TRPC4AP: variants seen among roughly 807,000 people sequenced by gnomAD.
TRPC4AP encodes transient receptor potential cation channel subfamily C member 4 associated protein.
A neutral mutation model predicts 99.0 loss-of-function variants in TRPC4AP; 45 were observed. That is an observed-to-expected ratio of 0.45 (90% CI 0.36 to 0.58). TRPC4AP has a LOEUF of 0.58. TRPC4AP is among the 20% of genes least tolerant of loss of function. The pLI, the probability that TRPC4AP is intolerant of heterozygous loss-of-function variation, is 0.00. For missense variants in TRPC4AP, 879 were observed against 985.3 expected, an observed-to-expected ratio of 0.89 and a Z score of 1.44; for synonymous variants, 408 against 385.8, an observed-to-expected ratio of 1.06 and a Z score of -0.67.
At chr20:35,047,514 G>A (rs754282323) in intron 6 of TRPC4AP, among the ~76,000 whole-genome samples, 7 of 152,100 alleles carry the variant, frequency 4.6e-5, no homozygotes, top group Non-Finnish European at 8.8e-5. Flanking sequence ...TCCTATTCAT[G>A]GATCAGAGAC....
rs1222770189 is a variant in TRPC4AP at position 35,006,437 on chromosome 20, T to G, written c.1825A>C (p.Lys609Gln). ...RFNKYINTDA[K>Q]FQVFLKQINS... ...ACAGAGCCCTGGGTTAACTTTACCT[T>G]TGCATCGGTGTTGATATATTTATTG... Residue 609 changes from lysine (K) to glutamine (Q), a missense_variant and splice_region_variant, in exon 15 of 19, where the codon AAG (lysine) becomes CAG (glutamine). Lys to Gln is a moderately conservative substitution (Grantham distance 53, BLOSUM62 1). This residue lies in a region of TRPC4AP where 224 missense variants were observed against 264.7 expected (regional missense o/e 0.85). Coordinates refer to ENST00000252015, the MANE Select transcript of TRPC4AP (RefSeq NM_015638.3). The G allele has an allele frequency of 1.2e-6, 2 of 1,614,092 alleles. No individual in the cohort carries two copies. Among genetic ancestry groups the G allele is most frequent in the Non-Finnish European group, 1.7e-6 (2 of 1,179,956 alleles).
intron 1 of TRPC4AP, among the ~76,000 whole-genome samples, chr20:35,090,377 C>CTTTTTTTTT (rs71196792): frequency 0.013 from 1,168 of 88,892 alleles, 40 homozygotes; most frequent in East Asian, 0.015. Context: ...ATCTGGTGAG[C>CTTTTTTTTT]TTTTTTTTTT....
intron 4 of TRPC4AP, 42 bp from the exon 5 acceptor site, chr20:35,055,073 A>G: frequency 3.8e-6 from 6 of 1,568,006 alleles, no homozygotes; most frequent in Non-Finnish European, 5.3e-6. Flanking sequence ...TTCTCAATGA[A>G]AAGATAGTAC....
chr20:35,089,904 A>G (rs942114150), intron 1 of TRPC4AP, among the ~76,000 whole-genome samples: 4 of 152,008 alleles, frequency 2.6e-5, no homozygotes, highest in Non-Finnish European at 5.9e-5. Context: ...CACATGCCAT[A>G]ACAGTATAAA....
intron 1 of TRPC4AP, among the ~76,000 whole-genome samples, chr20:35,078,491 G>T (rs780180605): frequency 6.6e-6 from 1 of 152,084 alleles, no homozygotes; most frequent in Non-Finnish European, 1.5e-5. Context: ...TTTACAAGAA[G>T]AATAATTGAT....
chr20:35,047,049 A>G (rs1985164866), intron 6 of TRPC4AP, among the ~76,000 whole-genome samples: 1 of 152,062 alleles, frequency 6.6e-6, no homozygotes, highest in Non-Finnish European at 1.5e-5. Context: ...TTATATTTTT[A>G]GTAGAGACAG....
At chr20:35,008,325 TG>T (rs2082558090) in intron 13 of TRPC4AP, among the ~76,000 whole-genome samples, 2 of 152,194 alleles carry the variant, frequency 1.3e-5, no homozygotes, top group African/African-American at 4.8e-5. Flanking sequence ...CTATAGCTCC[TG>T]GGCCAACCCT....
chr20:35,042,489 G>C (rs1217060688), intron 7 of TRPC4AP, among the ~76,000 whole-genome samples: 1 of 152,104 alleles, frequency 6.6e-6, no homozygotes, highest in East Asian at 1.9e-4. Context: ...ACAAAGAACT[G>C]TTTTCAGAGC....
intron 7 of TRPC4AP, 66 bp from the exon 8 acceptor site, chr20:35,035,374 C>G: frequency 6.7e-7 from 1 of 1,498,432 alleles, no homozygotes; most frequent in African/African-American, 1.4e-5. Flanking sequence ...CCCTAAAGCC[C>G]TAACAAACAA....
At chr20:35,049,297 A>T in intron 6 of TRPC4AP, among the ~76,000 whole-genome samples, 1 of 151,540 alleles carries the variant, frequency 6.6e-6, no homozygotes. Context: ...CCGAATATTA[A>T]CCTTATGACC....
chr20:35,039,186 G>C (rs1251333805), intron 7 of TRPC4AP, among the ~76,000 whole-genome samples: 1 of 152,176 alleles, frequency 6.6e-6, no homozygotes, highest in African/African-American at 2.4e-5. Context: ...AGCAAAAATA[G>C]CTCCTGCTGC....
intron 3 of TRPC4AP, among the ~76,000 whole-genome samples, chr20:35,058,306 T>C (rs573726453): frequency 6.6e-6 from 1 of 152,306 alleles, no homozygotes; most frequent in South Asian, 2.1e-4. Context: ...AACACATATA[T>C]TCTAACAGAC....
intron 1 of TRPC4AP, among the ~76,000 whole-genome samples, chr20:35,091,952 T>G (rs2146061620): frequency 6.6e-6 from 1 of 152,318 alleles, no homozygotes; most frequent in South Asian, 2.1e-4. Context: ...AACCCAGGCC[T>G]GACTCCAGAG....
chr20:35,050,086 C>A, intron 5 of TRPC4AP, 92 bp from the exon 6 acceptor site: 1 of 1,415,858 alleles, frequency 7.1e-7, no homozygotes, highest in East Asian at 2.4e-5. Context: ...AAAGCAGTTT[C>A]ACCTCTGAAA....
intron 6 of TRPC4AP, 52 bp from the exon 7 acceptor site, chr20:35,044,764 T>C (rs2083521779): frequency 4.5e-6 from 7 of 1,566,792 alleles, no homozygotes; most frequent in Non-Finnish European, 6.1e-6. Context: ...CTCAAGAGAT[T>C]GGATGTGCCT....
chr20:35,057,089 A>T (rs1157658357), intron 4 of TRPC4AP, among the ~76,000 whole-genome samples: 1 of 152,240 alleles, frequency 6.6e-6, no homozygotes, highest in African/African-American at 2.4e-5. Flanking sequence ...AGCTTAAGAA[A>T]TAGTGCATAC....
chr20:35,024,962 A>G (rs948545570), intron 8 of TRPC4AP, among the ~76,000 whole-genome samples: 4 of 151,660 alleles, frequency 2.6e-5, no homozygotes, highest in South Asian at 2.1e-4. Flanking sequence ...TGTGTAACAT[A>G]TATTTTCATT....
chr20:35,089,752 G>A (rs1381658184), intron 1 of TRPC4AP, among the ~76,000 whole-genome samples: 8 of 152,142 alleles, frequency 5.3e-5, no homozygotes. Flanking sequence ...AGGAGGCTGA[G>A]GCAGAATTGC....
intron 9 of TRPC4AP, among the ~76,000 whole-genome samples, chr20:35,019,881 G>A (rs1600523464): frequency 2.6e-5 from 4 of 152,144 alleles, no homozygotes; most frequent in Admixed American, 2.6e-4. Flanking sequence ...CCAACACCAG[G>A]TGTAGGTAAT....
Sources: allele counts gnomAD v4.1 joint callset (sites outside exome capture counted in the v4.1 genomes callset), GRCh38; gene constraint gnomAD v4.1.1; regional missense constraint gnomAD v4.1.1; transcripts MANE v1.5; gene names NCBI Gene and HGNC (gene_info 2026-07-23, HGNC 2026-07-21).